XRCC4: variants seen among roughly 807,000 people sequenced by gnomAD.
XRCC4 encodes DNA repair protein XRCC4.
In XRCC4, 28 loss-of-function variants were observed where a neutral mutation model predicts 39.1. The observed-to-expected ratio is 0.72, with a 90% CI of 0.53 to 0.98. XRCC4 has a LOEUF of 0.98. Among genes scored for constraint, XRCC4 ranks in the 50% least tolerant of loss-of-function variants. The pLI is 0.00. For missense variants in XRCC4, 350 were observed against 376.4 expected (o/e 0.93, Z 0.58); for synonymous variants, 123 against 126.4 (o/e 0.97, Z 0.18).
At chr5:83,237,536 A>C (rs2112835772) in intron 6 of XRCC4, among the ~76,000 whole-genome samples, 1 of 152,270 alleles carries the variant, frequency 6.6e-6, no homozygotes, top group Non-Finnish European at 1.5e-5. Context: ...TTATAGAAAT[A>C]GAGAGTAGAA....
At chr5:83,313,918 TAA>T (rs58834048) in intron 7 of XRCC4, among the ~76,000 whole-genome samples, 11,738 of 149,780 alleles carry the variant, frequency 0.078, 595 homozygotes, top group East Asian at 0.16. Flanking sequence ...ATAAGTTTTA[TAA>T]AGACAGTAAT....
At chr5:83,256,617 A>G (rs1372658396) in intron 6 of XRCC4, among the ~76,000 whole-genome samples, 2 of 151,492 alleles carry the variant, frequency 1.3e-5, no homozygotes, top group Non-Finnish European at 2.9e-5. Flanking sequence ...GCATTGGGAA[A>G]TCTTTCAGCT....
intron 3 of XRCC4, among the ~76,000 whole-genome samples, chr5:83,131,190 A>G (rs1466409131): frequency 1.3e-5 from 2 of 152,188 alleles, no homozygotes; most frequent in African/African-American, 4.8e-5. Context: ...CATTGGTTTC[A>G]AAGAACATCT....
chr5:83,168,657 G>A (rs894026945), intron 3 of XRCC4, among the ~76,000 whole-genome samples: 1 of 151,848 alleles, frequency 6.6e-6, no homozygotes, highest in Non-Finnish European at 1.5e-5. Context: ...ACCAACATAT[G>A]GTCCAAATTT....
chr5:83,107,959 G>A (rs755281135), intron 2 of XRCC4, among the ~76,000 whole-genome samples: 3 of 151,742 alleles, frequency 2.0e-5, no homozygotes, highest in Non-Finnish European at 4.4e-5. Context: ...ATGTGTGCAG[G>A]CTTTTGGCTA....
At chr5:83,169,449 T>G (rs567373793) in intron 3 of XRCC4, among the ~76,000 whole-genome samples, 3 of 152,314 alleles carry the variant, frequency 2.0e-5, no homozygotes, top group African/African-American at 7.2e-5. Flanking sequence ...CTAAAGCATT[T>G]TTTTGTTTTC....
intron 3 of XRCC4, among the ~76,000 whole-genome samples, chr5:83,177,699 C>T (rs938036792): frequency 9.2e-5 from 14 of 151,912 alleles, no homozygotes; most frequent in Admixed American, 5.9e-4. Context: ...GAAAAGAGAA[C>T]GTGAAGATTC....
At chr5:83,329,388 CAAAG>C (rs1268377858) in intron 7 of XRCC4, among the ~76,000 whole-genome samples, 2 of 152,072 alleles carry the variant, frequency 1.3e-5, no homozygotes, top group African/African-American at 4.8e-5. Flanking sequence ...ATATAGCTGA[CAAAG>C]AATTTGTATT....
At chr5:83,092,517 G>T (rs571990051) in intron 1 of XRCC4, among the ~76,000 whole-genome samples, 22 of 152,192 alleles carry the variant, frequency 1.4e-4, no homozygotes, top group Middle Eastern at 3.4e-3. Flanking sequence ...GGTAATGGTG[G>T]TGTGTAGAGT....
chr5:83,120,425 A>G (rs867725641), intron 3 of XRCC4, among the ~76,000 whole-genome samples: 3 of 152,140 alleles, frequency 2.0e-5, no homozygotes, highest in Non-Finnish European at 4.4e-5. Flanking sequence ...GCTCCCAACT[A>G]CCTGTTTTCT....
chr5:83,251,608 C>CT (rs1202552464), intron 6 of XRCC4, among the ~76,000 whole-genome samples: 2 of 150,796 alleles, frequency 1.3e-5, no homozygotes, highest in Non-Finnish European at 3.0e-5. Flanking sequence ...TCAACTTACT[C>CT]TTTTTTATGC....
At chr5:83,280,381 A>C (rs1754494030) in intron 7 of XRCC4, 1 of 549,802 alleles carries the variant, frequency 1.8e-6, no homozygotes, top group Non-Finnish European at 3.4e-6. Context: ...TGAATGTCTT[A>C]AAATTCTTCT....
At chr5:83,311,888 A>G (rs1021893323) in intron 7 of XRCC4, among the ~76,000 whole-genome samples, 1 of 152,144 alleles carries the variant, frequency 6.6e-6, no homozygotes, top group South Asian at 2.1e-4. Flanking sequence ...GCCTTTTAAT[A>G]TATTTTATAA....
At chr5:83,190,812 T>C (rs1580349458) in intron 3 of XRCC4, among the ~76,000 whole-genome samples, 1 of 152,136 alleles carries the variant, frequency 6.6e-6, no homozygotes, top group South Asian at 2.1e-4. Context: ...TTAAAAAACA[T>C]CTGTTTAATT....
chr5:83,355,119 G>T (rs1757175154), downstream of XRCC4, among the ~76,000 whole-genome samples: 1 of 151,962 alleles, frequency 6.6e-6, no homozygotes, highest in African/African-American at 2.4e-5. Flanking sequence ...GTAGGCCAGA[G>T]CTCAGAACCA....
At chr5:83,369,920 C>A in the XRCC4 span, among the ~76,000 whole-genome samples, 1 of 152,024 alleles carries the variant, frequency 6.6e-6, no homozygotes, top group African/African-American at 2.4e-5. Context: ...TCTGTTATTT[C>A]TTGATGTTTT....
the XRCC4 span, among the ~76,000 whole-genome samples, chr5:83,369,256 CT>C: frequency 6.6e-6 from 1 of 152,034 alleles, no homozygotes; most frequent in East Asian, 1.9e-4. Context: ...TCTTTTTAAG[CT>C]TTTATCATAG....
intron 3 of XRCC4, among the ~76,000 whole-genome samples, chr5:83,115,098 C>T (rs1388437425): frequency 6.6e-6 from 1 of 152,110 alleles, no homozygotes; most frequent in Non-Finnish European, 1.5e-5. Flanking sequence ...GATTCGATTA[C>T]CTCCCACCAT....
chr5:83,129,747 G>A (rs929007780), intron 3 of XRCC4, among the ~76,000 whole-genome samples: 13 of 152,026 alleles, frequency 8.6e-5, no homozygotes, highest in African/African-American at 3.1e-4. Flanking sequence ...ATTGTGAATG[G>A]GAGTTCACTC....
Sources: allele counts gnomAD v4.1 joint callset (sites outside exome capture counted in the v4.1 genomes callset), GRCh38; gene constraint gnomAD v4.1.1; transcripts MANE v1.5; gene names NCBI Gene and HGNC (gene_info 2026-07-23, HGNC 2026-07-21).